POFUT3: variants seen among roughly 807,000 people sequenced by gnomAD.
POFUT3 encodes protein O-fucosyltransferase 3, also known as GDP-fucose protein O-fucosyltransferase 3.
chr8:33,325,235 C>T, the POFUT3 span, among the ~76,000 whole-genome samples: 1 of 152,122 alleles, frequency 6.6e-6, no homozygotes, highest in Admixed American at 6.6e-5. Flanking sequence ...GATTTTGGTC[C>T]TTGTACCTAA....
chr8:33,317,308 G>A, the POFUT3 span, among the ~76,000 whole-genome samples: 10,353 of 152,136 alleles, frequency 0.068, 568 homozygotes, highest in East Asian at 0.14. Flanking sequence ...AGGGGGAACC[G>A]AGGACTGAAC....
chr8:33,431,034 G>A, the POFUT3 span, among the ~76,000 whole-genome samples: 3 of 152,206 alleles, frequency 2.0e-5, no homozygotes, highest in African/African-American at 7.2e-5. Context: ...ACTTACCCTT[G>A]GAAAGTGTGC....
chr8:33,412,816 C>T, the POFUT3 span, among the ~76,000 whole-genome samples: 5 of 152,188 alleles, frequency 3.3e-5, no homozygotes, highest in South Asian at 2.1e-4. Flanking sequence ...TTAGTAGAAA[C>T]GAGGTTTTGC....
At chr8:33,316,449 G>C in the POFUT3 span, among the ~76,000 whole-genome samples, 1 of 151,882 alleles carries the variant, frequency 6.6e-6, no homozygotes. Context: ...AGCCAGGCAC[G>C]GTGGCTCATA....
chr8:33,403,215 G>C, the POFUT3 span, among the ~76,000 whole-genome samples: 3 of 152,010 alleles, frequency 2.0e-5, no homozygotes, highest in Non-Finnish European at 4.4e-5. Flanking sequence ...CCAAAGAAAA[G>C]CAATGCTCAT....
At chr8:33,418,013 C>T in the POFUT3 span, among the ~76,000 whole-genome samples, 1 of 152,164 alleles carries the variant, frequency 6.6e-6, no homozygotes, top group African/African-American at 2.4e-5. Context: ...GACTGTATGA[C>T]CACACTGTTT....
chr8:33,401,822 G>T, the POFUT3 span, among the ~76,000 whole-genome samples: 1 of 152,156 alleles, frequency 6.6e-6, no homozygotes, highest in African/African-American at 2.4e-5. Context: ...GAGGTCAGGA[G>T]TTTGAGACCA....
the POFUT3 span, among the ~76,000 whole-genome samples, chr8:33,456,287 T>C: frequency 6.6e-6 from 1 of 152,216 alleles, no homozygotes; most frequent in Non-Finnish European, 1.5e-5. Context: ...TATAAATTCA[T>C]TTCCAAATAA....
At chr8:33,330,029 A>G in the POFUT3 span, among the ~76,000 whole-genome samples, 1 of 152,212 alleles carries the variant, frequency 6.6e-6, no homozygotes, top group Non-Finnish European at 1.5e-5. Flanking sequence ...GTGTTTAGCA[A>G]TTAGAGGGTG....
At chr8:33,420,237 A>G in the POFUT3 span, among the ~76,000 whole-genome samples, 1 of 152,260 alleles carries the variant, frequency 6.6e-6, no homozygotes, top group Non-Finnish European at 1.5e-5. Flanking sequence ...TAAGTAATTA[A>G]TAAAAACTAA....
At chr8:33,331,827 C>T in the POFUT3 span, among the ~76,000 whole-genome samples, 5 of 152,050 alleles carry the variant, frequency 3.3e-5, no homozygotes, top group African/African-American at 1.2e-4. Flanking sequence ...AGGCGCCCGC[C>T]ACCACGCCCG....
chr8:33,416,042 A>C, the POFUT3 span, among the ~76,000 whole-genome samples: 2 of 152,270 alleles, frequency 1.3e-5, no homozygotes, highest in African/African-American at 4.8e-5. Flanking sequence ...AGCAGGATTT[A>C]AGTATTAAAA....
the POFUT3 span, among the ~76,000 whole-genome samples, chr8:33,315,228 G>T: frequency 6.6e-6 from 1 of 152,042 alleles, no homozygotes; most frequent in Non-Finnish European, 1.5e-5. Context: ...TTGTGTCCTT[G>T]CTCATCTAAT....
chr8:33,336,378 T>C, the POFUT3 span, among the ~76,000 whole-genome samples: 1 of 152,242 alleles, frequency 6.6e-6, no homozygotes, highest in Non-Finnish European at 1.5e-5. Context: ...AAAATTATAA[T>C]ACATCACTGG....
At chr8:33,419,898 C>A in the POFUT3 span, among the ~76,000 whole-genome samples, 2 of 152,124 alleles carry the variant, frequency 1.3e-5, no homozygotes, top group Non-Finnish European at 2.9e-5. Context: ...GAGGCCAAGG[C>A]AGACAGATCC....
At chr8:33,436,106 A>T in the POFUT3 span, among the ~76,000 whole-genome samples, 9 of 152,114 alleles carry the variant, frequency 5.9e-5, no homozygotes, top group Admixed American at 4.6e-4. Context: ...AGAACAGGAA[A>T]ATGGGCAGGA....
At chr8:33,446,699 C>G in the POFUT3 span, among the ~76,000 whole-genome samples, 1 of 152,258 alleles carries the variant, frequency 6.6e-6, no homozygotes, top group Non-Finnish European at 1.5e-5. Flanking sequence ...GTACCCTGAG[C>G]AATAAACATC....
chr8:33,451,012 A>C, the POFUT3 span, among the ~76,000 whole-genome samples: 1 of 151,952 alleles, frequency 6.6e-6, no homozygotes, highest in Non-Finnish European at 1.5e-5. Context: ...ATATGCTTCC[A>C]GAGAAGGGAG....
At chr8:33,421,546 A>G in the POFUT3 span, among the ~76,000 whole-genome samples, 4 of 152,112 alleles carry the variant, frequency 2.6e-5, no homozygotes, top group African/African-American at 9.7e-5. Flanking sequence ...TTAATGGGGA[A>G]ATGTGTCTGA....
Sources: gnomAD v4.1 joint callset for allele counts (sites outside exome capture counted in the v4.1 genomes callset) on GRCh38, gnomAD v4.1.1 for gene constraint, MANE v1.5 for transcripts, NCBI Gene and HGNC (gene_info 2026-07-23, HGNC 2026-07-21) for gene names.